LRP1B: variants seen among roughly 807,000 people sequenced by gnomAD.
LRP1B encodes the protein LDL receptor related protein 1B.
Under a neutral mutation model 556.6 loss-of-function variants are expected in LRP1B, and 217 were observed. That is an observed-to-expected ratio of 0.39 (90% CI 0.35 to 0.44). The LOEUF is 0.44. Ranked by LOEUF, LRP1B falls within the 20% of genes least tolerant of loss-of-function variation. The pLI, the probability that LRP1B is intolerant of heterozygous loss-of-function variation, is 1.00. For synonymous variants in LRP1B, 2,047 were observed against 1,865.8 expected (o/e 1.10, Z -2.50); for missense variants, 5,053 against 5,620.8 (o/e 0.90, Z 3.23).
intron 43 of LRP1B, among the ~76,000 whole-genome samples, chr2:140,594,607 T>G (rs1445717370): frequency 6.6e-6 from 1 of 152,212 alleles, no homozygotes; most frequent in Non-Finnish European, 1.5e-5. Context: ...AAATATAGGT[T>G]ACTTCTTTCT....
At chr2:140,279,044 T>C (rs1682807915) in intron 84 of LRP1B, among the ~76,000 whole-genome samples, 1 of 151,922 alleles carries the variant, frequency 6.6e-6, no homozygotes, top group South Asian at 2.1e-4. Context: ...TCTTCGACGT[T>C]TATGTAATGT....
intron 2 of LRP1B, among the ~76,000 whole-genome samples, chr2:141,694,311 G>A (rs1180880461): frequency 6.6e-6 from 1 of 152,070 alleles, no homozygotes; most frequent in Admixed American, 6.6e-5. Flanking sequence ...TGAAAAGGGA[G>A]GGAGGGCACT....
chr2:141,846,783 T>C (rs1342732512), intron 1 of LRP1B, among the ~76,000 whole-genome samples: 2 of 151,442 alleles, frequency 1.3e-5, no homozygotes, highest in African/African-American at 4.8e-5. Context: ...TCGTGAACGA[T>C]ATCTTTTAAT....
intron 1 of LRP1B, among the ~76,000 whole-genome samples, chr2:141,852,142 A>T (rs1697886328): frequency 6.6e-6 from 1 of 151,742 alleles, no homozygotes; most frequent in South Asian, 2.1e-4. Context: ...AAAGGGGTTA[A>T]CGGTATGGTC....
intron 79 of LRP1B, among the ~76,000 whole-genome samples, chr2:140,330,238 T>TAATA (rs1331935168): frequency 3.0e-5 from 4 of 134,492 alleles, no homozygotes; most frequent in Non-Finnish European, 4.9e-5. Context: ...ATAATAATAA[T>TAATA]AATATGGAGC....
intron 3 of LRP1B, among the ~76,000 whole-genome samples, chr2:141,385,610 A>T (rs907875268): frequency 0.13 from 7 of 52 alleles, no homozygotes; most frequent in Non-Finnish European, 0.23. Flanking sequence ...TTCTAAGATA[A>T]AAAAAAAAAA....
At chr2:141,120,511 TATTATG>T (rs1028511838) in intron 7 of LRP1B, among the ~76,000 whole-genome samples, 28 of 152,132 alleles carry the variant, frequency 1.8e-4, no homozygotes, top group African/African-American at 5.5e-4. Flanking sequence ...ATCTCAGATA[TATTATG>T]ATTATATCAA....
intron 6 of LRP1B, among the ~76,000 whole-genome samples, chr2:141,221,328 G>A (rs111267699): frequency 4.0e-4 from 59 of 148,886 alleles, no homozygotes; most frequent in Middle Eastern, 3.5e-3. Context: ...ATTACATAAT[G>A]GGAAAGGGTT....
chr2:141,754,878 A>C (rs1349480177), intron 2 of LRP1B, among the ~76,000 whole-genome samples: 1 of 152,130 alleles, frequency 6.6e-6, no homozygotes, highest in Non-Finnish European at 1.5e-5. Flanking sequence ...TTTGATTCCA[A>C]TTTTAAGGCT....
At chr2:140,892,892 A>T (rs1693840811) in intron 23 of LRP1B, among the ~76,000 whole-genome samples, 1 of 152,168 alleles carries the variant, frequency 6.6e-6, no homozygotes. Context: ...TAAATGACAG[A>T]CTGTAATATG....
At chr2:140,274,356 T>G in intron 85 of LRP1B, 68 bp downstream of exon 85, 1 of 1,384,824 alleles carries the variant, frequency 7.2e-7, no homozygotes, top group African/African-American at 1.4e-5. Flanking sequence ...TTTTTACTAT[T>G]TATTACTGAA....
chr2:140,264,738 G>C (rs938886251), intron 86 of LRP1B, among the ~76,000 whole-genome samples: 1 of 102,904 alleles, frequency 9.7e-6, no homozygotes, highest in African/African-American at 4.2e-5. Context: ...GTGTGTGTGT[G>C]TGTATATAAT....
At chr2:140,660,228 G>A (rs1483840353) in intron 41 of LRP1B, among the ~76,000 whole-genome samples, 1 of 151,472 alleles carries the variant, frequency 6.6e-6, no homozygotes, top group African/African-American at 2.4e-5. Flanking sequence ...CATAAATAAT[G>A]TGCCCATACC....
chr2:140,307,954 A>G (rs1051182028), intron 83 of LRP1B, among the ~76,000 whole-genome samples: 3 of 151,894 alleles, frequency 2.0e-5, no homozygotes, highest in Admixed American at 6.6e-5. Flanking sequence ...AGCATTCACA[A>G]TATAGCAATT....
chr2:141,742,344 C>G (rs1045010226), intron 2 of LRP1B, among the ~76,000 whole-genome samples: 3 of 151,426 alleles, frequency 2.0e-5, no homozygotes, highest in African/African-American at 7.3e-5. Context: ...GGCCGCCTCC[C>G]AGGTTAAAGC....
intron 2 of LRP1B, among the ~76,000 whole-genome samples, chr2:141,549,400 T>C (rs969771830): frequency 6.6e-6 from 1 of 152,178 alleles, no homozygotes; most frequent in Non-Finnish European, 1.5e-5. Context: ...ATTACCATGA[T>C]ACATTTAAGA....
intron 2 of LRP1B, among the ~76,000 whole-genome samples, chr2:141,721,533 T>C (rs1692814603): frequency 6.6e-6 from 1 of 152,164 alleles, no homozygotes; most frequent in East Asian, 1.9e-4. Flanking sequence ...AAAAACTTCA[T>C]AATAGTTTTT....
chr2:141,254,393 A>T, intron 4 of LRP1B, 129 bp downstream of exon 4: 1 of 911,424 alleles, frequency 1.1e-6, no homozygotes, highest in Non-Finnish European at 1.6e-6. Context: ...GGCAACTTTT[A>T]AATCTCAAGA....
At chr2:141,080,060 T>C (rs775980795) in intron 7 of LRP1B, among the ~76,000 whole-genome samples, 10 of 152,244 alleles carry the variant, frequency 6.6e-5, no homozygotes, top group Non-Finnish European at 1.0e-4. Context: ...ATAAGCTATA[T>C]GCTAAATAGA....
Sources: gnomAD v4.1 joint callset for allele counts (sites outside exome capture counted in the v4.1 genomes callset) on GRCh38, gnomAD v4.1.1 for gene constraint, MANE v1.5 for transcripts, NCBI Gene and HGNC (gene_info 2026-07-23, HGNC 2026-07-21) for gene names.